The following KAT6B variants were observed in gnomAD, a reference collection of about 807,000 sequenced individuals.
KAT6B encodes histone acetyltransferase KAT6B.
In KAT6B, 10 loss-of-function variants were observed where a neutral mutation model predicts 187.5. That is an observed-to-expected ratio of 0.05 (90% CI 0.03 to 0.09). The LOEUF (loss-of-function observed/expected upper bound fraction) is 0.09, where lower values mean the gene tolerates loss of function less well. Among genes scored for constraint, KAT6B ranks in the 10% least tolerant of loss-of-function variants. The pLI is 1.00. For missense variants in KAT6B, 1,952 were observed against 2,558.9 expected (o/e 0.76, Z 5.12); for synonymous variants, 861 against 926.8 (o/e 0.93, Z 1.29).
rs1239763630 is a variant in KAT6B at position 75,000,655 on chromosome 10, G to GAAA, written c.2629+11543_2629+11544insAAA. On this transcript the variant is annotated intron_variant, in intron 13 of 17. Coordinates refer to ENST00000287239, the MANE Select transcript of KAT6B (RefSeq NM_012330.4). ...CAGTTAAGTTAAATATCAGTTAATT[G>GAAA]TACATTCAGGCATTTCTAAAATTAG... 2.6e-5 allele frequency among the ~76,000 whole-genome samples: 4 copies of GAAA among 152,132 alleles called. No individual in the cohort carries two copies. In the East Asian group the frequency reaches 5.8e-4, roughly 22 times the overall value.
In KAT6B at chr10:74,972,510, T is replaced by A; in HGVS notation, c.932T>A (p.Met311Lys). Residue 311 changes from methionine to lysine, a missense_variant, in exon 7 of 18, where the codon ATG becomes AAG. Around this residue, in one of 9 missense-constraint regions of KAT6B, gnomAD observed 417 missense variants for 508.9 expected, o/e 0.82. Coordinates refer to ENST00000287239, the MANE Select transcript of KAT6B (RefSeq NM_012330.4). The part of the protein sequence containing the change: ...DPPLSRMPKG[M>K]WICQVCRPKK... The stretch of plus-strand genomic sequence containing the variant: ...TCTCATATATATATTAATTCAGGGA[T>A]GTGGATTTGCCAAGTCTGCAGACCA... 6.3e-7 allele frequency: 1 copy of A among 1,589,460 alleles called. No homozygotes were observed. The highest frequency in any genetic ancestry group is 8.6e-7 in the Non-Finnish European group (1 of 1,159,378).
chr10:75,023,718 C>T (rs1282856547), intron 16 of KAT6B: 1 of 152,198 alleles, frequency 6.6e-6, no homozygotes, highest in Non-Finnish European at 1.5e-5. Context: ...CACAAGAATT[C>T]TTGGAGGCCG....
chr10:74,874,830 G>A (rs113408986), intron 3 of KAT6B, among the ~76,000 whole-genome samples: 1 of 151,796 alleles, frequency 6.6e-6, no homozygotes, highest in African/African-American at 2.4e-5. Flanking sequence ...GTGTGTGTGT[G>A]TATGTGTGTG....
intron 3 of KAT6B, among the ~76,000 whole-genome samples, chr10:74,923,691 G>A (rs1564566527): frequency 1.3e-5 from 2 of 152,322 alleles, no homozygotes; most frequent in South Asian, 2.1e-4. Context: ...TGTGGCTGGC[G>A]TGGAGAGAGA....
At chr10:74,980,207 T>A (rs1201996342) in intron 10 of KAT6B, among the ~76,000 whole-genome samples, 1 of 152,092 alleles carries the variant, frequency 6.6e-6, no homozygotes, top group African/African-American at 2.4e-5. Context: ...AAGTTTTTGT[T>A]TGTCTTGAAC....
rs779194720 is a variant in KAT6B at position 74,977,359 on chromosome 10, A to G, written c.2037A>G (p.Val679=). 2 of 1,613,734 alleles carry G rather than the reference A, an allele frequency of 1.2e-6. No individual in the cohort carries two copies. The highest frequency in any genetic ancestry group is 1.7e-6 in the Non-Finnish European group (2 of 1,179,662). Residue 679 remains valine (V), a synonymous_variant, in exon 9 of 18, where the codon GTA becomes GTG. Coordinates refer to ENST00000287239, the MANE Select transcript of KAT6B (RefSeq NM_012330.4). ...KINIKQESAD[V]NVIGNKDVVT... is the part of the protein sequence containing the mutation. ...ACATCAAACAAGAAAGTGCAGATGTAAATGTGATTGGAAACAAGGATGTCG... is the reference window on the plus strand; with the variant it reads ...ACATCAAACAAGAAAGTGCAGATGTGAATGTGATTGGAAACAAGGATGTCG...
chr10:74,830,016 C>CA (rs1313427628), intron 1 of KAT6B, among the ~76,000 whole-genome samples: 14,013 of 82,496 alleles, frequency 0.17, 1,726 homozygotes, highest in African/African-American at 0.38. Flanking sequence ...GACTCTGTCT[C>CA]AAAAAAAAAA....
At chr10:74,958,759 G>A (rs2133499099) in intron 3 of KAT6B, among the ~76,000 whole-genome samples, 1 of 152,294 alleles carries the variant, frequency 6.6e-6, no homozygotes, top group Non-Finnish European at 1.5e-5. Context: ...GGAATGTCAG[G>A]CCGGGCTCGG....
At chr10:75,010,408 T>G (rs2134050012) in intron 13 of KAT6B, among the ~76,000 whole-genome samples, 1 of 152,360 alleles carries the variant, frequency 6.6e-6, no homozygotes, top group Admixed American at 6.5e-5. Flanking sequence ...TGTACTTTGT[T>G]TGAAAACAAA....
At chr10:74,997,699 G>A (rs1843532423) in intron 13 of KAT6B, among the ~76,000 whole-genome samples, 2 of 152,102 alleles carry the variant, frequency 1.3e-5, no homozygotes, top group Non-Finnish European at 2.9e-5. Flanking sequence ...AACTAAGCTG[G>A]TGGAAAATGG....
chr10:74,846,087 C>A (rs932147439), intron 3 of KAT6B, among the ~76,000 whole-genome samples: 1 of 152,070 alleles, frequency 6.6e-6, no homozygotes, highest in Non-Finnish European at 1.5e-5. Context: ...TGGTCTCGAT[C>A]TCCTGGGCTC....
At chr10:75,002,839 C>T (rs942727605) in intron 13 of KAT6B, among the ~76,000 whole-genome samples, 8 of 152,162 alleles carry the variant, frequency 5.3e-5, no homozygotes, top group Non-Finnish European at 1.0e-4. Context: ...TGTCTTTCAC[C>T]AAAAGTAAGC....
chr10:74,910,357 T>C (rs1847113671), intron 3 of KAT6B, among the ~76,000 whole-genome samples: 1 of 152,186 alleles, frequency 6.6e-6, no homozygotes, highest in African/African-American at 2.4e-5. Flanking sequence ...AAAAGAATTT[T>C]TTCTGTGCCT....
intron 3 of KAT6B, among the ~76,000 whole-genome samples, chr10:74,928,887 C>G (rs1264756047): frequency 2.0e-5 from 3 of 152,090 alleles, no homozygotes; most frequent in South Asian, 2.1e-4. Flanking sequence ...GAGGTTTTAG[C>G]CAAGAACCTT....
chr10:74,942,878 T>C (rs560835533), intron 3 of KAT6B, among the ~76,000 whole-genome samples: 6 of 147,046 alleles, frequency 4.1e-5, no homozygotes, highest in Admixed American at 1.4e-4. Flanking sequence ...CCCCCTTTCA[T>C]CATTTCTATT....
intron 3 of KAT6B, among the ~76,000 whole-genome samples, chr10:74,866,354 A>T: frequency 6.6e-6 from 1 of 151,948 alleles, no homozygotes; most frequent in East Asian, 1.9e-4. Context: ...ATCATACTAA[A>T]ATATGTATGT....
intron 3 of KAT6B, among the ~76,000 whole-genome samples, chr10:74,897,180 C>G (rs1846051113): frequency 6.6e-6 from 1 of 152,080 alleles, no homozygotes; most frequent in African/African-American, 2.4e-5. Context: ...TCAGAGAGCC[C>G]TTTTTGTAAG....
intron 1 of KAT6B, among the ~76,000 whole-genome samples, chr10:74,832,208 T>A (rs988854965): frequency 2.0e-5 from 3 of 152,182 alleles, no homozygotes; most frequent in African/African-American, 7.2e-5. Context: ...TATGAAACTC[T>A]CAAAAGGGAA....
At position 74,985,365 on chromosome 10, in the gene KAT6B, T is replaced by C. The variant is rs1842744385; in HGVS notation, c.2535+124T>C. 8 of 1,012,232 alleles carry C rather than the reference T, an allele frequency of 7.9e-6. No individual in the cohort carries two copies. The Admixed American group carries it at 1.7e-4, about 22-fold the overall frequency. The allele number at this position is 1,012,232 out of a possible 1,614,324, so 62.7% of individuals were successfully genotyped here. A position where few individuals can be genotyped will look rare whatever the true frequency, so the allele number is the denominator to read the frequency against. On this transcript the variant is annotated intron_variant, in intron 12 of 17. Transcript: ENST00000287239. The stretch of plus-strand genomic sequence containing the variant: ...TAAGTGACATGTGTTTTTGAAAAGC[T>C]CAGGTTCTTGTTCAGAGCTCATTTT...
Sources: allele counts gnomAD v4.1 joint callset (sites outside exome capture counted in the v4.1 genomes callset), GRCh38; gene constraint gnomAD v4.1.1; regional missense constraint gnomAD v4.1.1; transcripts MANE v1.5; gene names NCBI Gene and HGNC (gene_info 2026-07-23, HGNC 2026-07-21).